E2F3: variants seen among roughly 807,000 people sequenced by gnomAD.
The protein encoded by E2F3 is E2F transcription factor 3.
E2F3 carries 11 observed loss-of-function variants against 44.4 expected under a neutral mutation model. That is an observed-to-expected ratio of 0.25 (90% CI 0.16 to 0.41). The LOEUF is 0.41. Among genes scored for constraint, E2F3 ranks in the 10% least tolerant of loss-of-function variants. E2F3 has a pLI of 1.00. For missense variants in E2F3, 487 were observed against 583.6 expected, an observed-to-expected ratio of 0.83 and a Z score of 1.70; for synonymous variants, 249 against 253.0, an observed-to-expected ratio of 0.98 and a Z score of 0.15.
intron 1 of E2F3, among the ~76,000 whole-genome samples, chr6:20,479,641 G>C (rs775339887): frequency 6.6e-6 from 1 of 152,220 alleles, no homozygotes; most frequent in African/African-American, 2.4e-5. Context: ...GGATGATCAC[G>C]GCAGGTGAAG....
At chr6:20,476,264 G>A (rs907852158) in intron 1 of E2F3, among the ~76,000 whole-genome samples, 1 of 152,056 alleles carries the variant, frequency 6.6e-6, no homozygotes, top group African/African-American at 2.4e-5. Flanking sequence ...CCAGCTACTC[G>A]AGAGGCTGAG....
chr6:20,437,918 G>A (rs573287936), intron 1 of E2F3: 3 of 152,332 alleles, frequency 2.0e-5, no homozygotes, highest in Admixed American at 6.5e-5. Flanking sequence ...GCTCTCCAGC[G>A]GCGCTTGGTA....
intron 1 of E2F3, among the ~76,000 whole-genome samples, chr6:20,447,643 AG>A (rs1305950575): frequency 6.6e-6 from 1 of 152,094 alleles, no homozygotes; most frequent in Non-Finnish European, 1.5e-5. Flanking sequence ...TCTGGTGCAG[AG>A]ACTGCTACAA....
chr6:20,453,823 A>G (rs1466578088), intron 1 of E2F3, among the ~76,000 whole-genome samples: 1 of 152,224 alleles, frequency 6.6e-6, no homozygotes, highest in Non-Finnish European at 1.5e-5. Flanking sequence ...TAAATGAAAA[A>G]TGCCCACTAT....
intron 1 of E2F3, among the ~76,000 whole-genome samples, chr6:20,454,673 G>C (rs553349574): frequency 7.6e-4 from 116 of 152,272 alleles, no homozygotes; most frequent in Middle Eastern, 3.4e-3. Context: ...TTGAAGACTT[G>C]TCTTACCCCC....
chr6:20,423,915 C>T (rs534341746), intron 1 of E2F3, among the ~76,000 whole-genome samples: 1 of 151,998 alleles, frequency 6.6e-6, no homozygotes, highest in Non-Finnish European at 1.5e-5. Context: ...ATTACAGGTA[C>T]CTGCCACCAT....
intron 1 of E2F3, among the ~76,000 whole-genome samples, chr6:20,442,734 C>T (rs1406907005): frequency 2.0e-5 from 3 of 151,950 alleles, no homozygotes; most frequent in African/African-American, 4.8e-5. Flanking sequence ...TTTGGGAGGC[C>T]GAGGCAGATT....
chr6:20,433,356 C>T (rs892455216), intron 1 of E2F3, among the ~76,000 whole-genome samples: 1 of 152,190 alleles, frequency 6.6e-6, no homozygotes, highest in East Asian at 1.9e-4. Flanking sequence ...CAGACCAGTT[C>T]TATGGTTCAG....
chr6:20,454,682 C>T (rs1191209495), intron 1 of E2F3, among the ~76,000 whole-genome samples: 1 of 152,178 alleles, frequency 6.6e-6, no homozygotes, highest in Non-Finnish European at 1.5e-5. Flanking sequence ...TGTCTTACCC[C>T]CACAAAAGCA....
intron 1 of E2F3, among the ~76,000 whole-genome samples, chr6:20,455,439 T>A (rs1761278216): frequency 6.6e-6 from 1 of 152,224 alleles, no homozygotes; most frequent in African/African-American, 2.4e-5. Context: ...CAAAAGTGTC[T>A]GTTATCTTTG....
chr6:20,445,123 T>TA, intron 1 of E2F3: 1 of 985,420 alleles, frequency 1.0e-6, no homozygotes, highest in Non-Finnish European at 1.2e-6. Flanking sequence ...GGTGAGTTGG[T>TA]CTTTTTGTGT....
intron 1 of E2F3, among the ~76,000 whole-genome samples, chr6:20,466,982 G>A (rs1761736027): frequency 6.6e-6 from 1 of 152,100 alleles, no homozygotes; most frequent in African/African-American, 2.4e-5. Context: ...GCCCGGCCCA[G>A]TGTGTTCTTA....
At chr6:20,419,174 G>A (rs1012101018) in intron 1 of E2F3, among the ~76,000 whole-genome samples, 4 of 152,136 alleles carry the variant, frequency 2.6e-5, no homozygotes, top group African/African-American at 9.7e-5. Context: ...GCTGCCACTC[G>A]TTATATAGAT....
In E2F3 at chr6:20,491,315, G is replaced by A. The variant is rs1328783548; in HGVS notation, c.*885G>A. The A allele has an allele frequency of 3.5e-5, 8 of 229,346 alleles. No homozygotes were observed. The highest frequency in any genetic ancestry group is 1.9e-4 in the East Asian group (3 of 16,126). 14.2% of individuals were successfully genotyped at this position (229,346 alleles called of 1,614,324 possible). A position where few individuals can be genotyped will look rare whatever the true frequency, so the allele number is the denominator to read the frequency against. ...TCAATTTAATTGTTTACTTTGAAGCGGTTTTTGCAAATTCATATTACTTAA... is the reference window on the plus strand; with the variant it reads ...TCAATTTAATTGTTTACTTTGAAGCAGTTTTTGCAAATTCATATTACTTAA... On this transcript the variant is annotated 3_prime_UTR_variant, in exon 7 of 7. Transcript: ENST00000346618.
At chr6:20,477,247 C>A (rs947282540) in intron 1 of E2F3, among the ~76,000 whole-genome samples, 5 of 152,080 alleles carry the variant, frequency 3.3e-5, no homozygotes, top group African/African-American at 1.2e-4. Context: ...AGGTGTGATC[C>A]ATGCACCCAG....
chr6:20,427,604 T>G (rs538465231), intron 1 of E2F3, among the ~76,000 whole-genome samples: 107 of 152,254 alleles, frequency 7.0e-4, no homozygotes, highest in African/African-American at 2.5e-3. Context: ...AGACTCACTG[T>G]GGCCATTGAA....
At chr6:20,482,618 A>G (rs1250518911) in intron 3 of E2F3, 144 bp from the exon 4 acceptor site, 50 of 310,152 alleles carry the variant, frequency 1.6e-4, no homozygotes, top group African/African-American at 6.8e-4. Context: ...ATATATATAT[A>G]TATGTGTAAA....
At chr6:20,404,597 G>A (rs1228018821) in intron 1 of E2F3, among the ~76,000 whole-genome samples, 2 of 152,198 alleles carry the variant, frequency 1.3e-5, no homozygotes, top group African/African-American at 2.4e-5. Flanking sequence ...GATGGGTTTG[G>A]GAATAATGAG....
At chr6:20,433,677 G>A (rs1309550525) in intron 1 of E2F3, among the ~76,000 whole-genome samples, 1 of 151,870 alleles carries the variant, frequency 6.6e-6, no homozygotes, top group Non-Finnish European at 1.5e-5. Flanking sequence ...ATGATAAATT[G>A]CTTTTTAATA....
Sources: gnomAD v4.1 joint callset for allele counts (sites outside exome capture counted in the v4.1 genomes callset) on GRCh38, gnomAD v4.1.1 for gene constraint, MANE v1.5 for transcripts, NCBI Gene and HGNC (gene_info 2026-07-23, HGNC 2026-07-21) for gene names.